The following GPAT3 variants were observed in gnomAD, a reference collection of about 807,000 sequenced individuals.
The protein encoded by GPAT3 is glycerol-3-phosphate acyltransferase 3.
Under a neutral mutation model 58.8 loss-of-function variants are expected in GPAT3, and 53 were observed. The observed-to-expected ratio is 0.90, with a 90% CI of 0.72 to 1.13. The LOEUF (loss-of-function observed/expected upper bound fraction) is 1.13. GPAT3 is among the 50% of genes most tolerant of loss of function. The pLI is 0.00. For synonymous variants in GPAT3, 197 were observed against 187.4 expected (o/e 1.05, Z -0.42); for missense variants, 511 against 527.6 (o/e 0.97, Z 0.31).
At chr4:83,557,385 G>A (rs1352211515) in intron 2 of GPAT3, among the ~76,000 whole-genome samples, 4 of 152,164 alleles carry the variant, frequency 2.6e-5, no homozygotes, top group Non-Finnish European at 5.9e-5. Context: ...CATCCTGGCA[G>A]ACATCACTAG....
intron 2 of GPAT3, among the ~76,000 whole-genome samples, chr4:83,559,205 G>A (rs1309316225): frequency 1.3e-5 from 2 of 152,020 alleles, no homozygotes; most frequent in Non-Finnish European, 2.9e-5. Flanking sequence ...ATTGTAAAAA[G>A]TTCTCTATAA....
chr4:83,538,365 A>G (rs77183785), intron 1 of GPAT3, among the ~76,000 whole-genome samples: 2,772 of 152,198 alleles, frequency 0.018, 82 homozygotes, highest in African/African-American at 0.063. Flanking sequence ...AACTCTTCTT[A>G]TTGACTTTAC....
intron 2 of GPAT3, among the ~76,000 whole-genome samples, chr4:83,555,328 T>C (rs890233677): frequency 2.6e-5 from 4 of 152,090 alleles, no homozygotes; most frequent in African/African-American, 4.8e-5. Context: ...AAACATGTGA[T>C]TACAGGGTTG....
chr4:83,559,621 A>C (rs1303585815), intron 2 of GPAT3, among the ~76,000 whole-genome samples: 1 of 152,080 alleles, frequency 6.6e-6, no homozygotes, highest in Admixed American at 6.6e-5. Context: ...GTGCACCCGG[A>C]GAAAGCAGGA....
chr4:83,562,196 TA>T lies in GPAT3; in HGVS notation c.208+17595del, dbSNP rs1725166731. 4.9e-4 allele frequency among the ~76,000 whole-genome samples: 22 copies of T among 44,650 alleles called. 1 individual carries two copies. Among genetic ancestry groups the T allele is most frequent in the Non-Finnish European group, 6.8e-4 (17 of 24,942 alleles). The allele number at this position is 44,650 out of a possible 152,430, so 29.3% of individuals were successfully genotyped here. A position where few individuals can be genotyped will look rare whatever the true frequency, so the allele number is the denominator to read the frequency against. On this transcript the variant is annotated intron_variant, in intron 2 of 11. Transcript: ENST00000264409. Reference sequence around the variant, plus strand: ...TTTATATATTATATATATATATATATATAATATATATATATTATATATATAT... The same window carrying T: ...TTTATATATTATATATATATATATATTAATATATATATATTATATATATAT...
At position 83,544,183 on chromosome 4, in the gene GPAT3, G is replaced by A. The variant is rs183307573; in HGVS notation, c.142-353G>A. Among the ~76,000 whole-genome samples the A allele has an allele frequency of 1.4e-3, 210 of 152,280 alleles. 2 individuals carry two copies. The highest frequency in any genetic ancestry group is 3.1e-3 in the East Asian group (16 of 5,188). ...TACAATGAGGAAACGGAGGCCTATAGGGAATAAGTAATTTCAAACCCAGAC... is the reference window on the plus strand; with the variant it reads ...TACAATGAGGAAACGGAGGCCTATAAGGAATAAGTAATTTCAAACCCAGAC... On this transcript the variant is annotated intron_variant, in intron 1 of 11. Transcript: ENST00000264409.
At chr4:83,579,061 T>TCCTTCCTTCCTTCCTTCCTTCTTTCC (rs1276079346) in intron 2 of GPAT3, among the ~76,000 whole-genome samples, 1 of 43,408 alleles carries the variant, frequency 2.3e-5, no homozygotes, top group Non-Finnish European at 4.6e-5. Context: ...TTTCTTTCTT[T>TCCTTCCTTCCTTCCTTCCTTCTTTCC]CTTTCTTTCT....
chr4:83,540,587 G>A (rs1724263681), intron 1 of GPAT3, among the ~76,000 whole-genome samples: 1 of 152,196 alleles, frequency 6.6e-6, no homozygotes, highest in Non-Finnish European at 1.5e-5. Context: ...TAGGGAAGAG[G>A]AGGCTACTTT....
chr4:83,591,275 A>G (rs10014103), intron 6 of GPAT3, among the ~76,000 whole-genome samples: 346 of 152,298 alleles, frequency 2.3e-3, no homozygotes, highest in African/African-American at 8.0e-3. Flanking sequence ...TGCATGGGTT[A>G]CACAATCATT....
chr4:83,536,689 C>A lies in GPAT3; in HGVS notation c.67C>A (p.Leu23Ile). 1 of 1,613,672 alleles carries A rather than the reference C, an allele frequency of 6.2e-7. No individual in the cohort carries two copies. Among genetic ancestry groups the A allele is most frequent in the Non-Finnish European group, 8.5e-7 (1 of 1,179,968 alleles). Reference sequence around the variant, plus strand: ...GCTGACGCTGGTTCTCGGCTTCATCCTTTTACCTTCGGTCTTCGGAGTGTC... The same window carrying A: ...GCTGACGCTGGTTCTCGGCTTCATCATTTTACCTTCGGTCTTCGGAGTGTC... ...TWLTLVLGFI[L>I]LPSVFGVSLG... The change falls in exon 1 of 12, where the codon CTT (leucine) becomes ATT (isoleucine). Residue 23 changes from leucine to isoleucine, a missense_variant. By Grantham distance (5) the Leu-to-Ile change is conservative. Transcript: ENST00000264409.
intron 2 of GPAT3, among the ~76,000 whole-genome samples, chr4:83,547,247 T>C (rs906342749): frequency 1.4e-5 from 1 of 73,340 alleles, no homozygotes; most frequent in African/African-American, 1.1e-4. Flanking sequence ...TCTACTGCTC[T>C]TTTTTTTTTT....
At chr4:83,580,946 A>G (rs1223762609) in intron 2 of GPAT3, among the ~76,000 whole-genome samples, 1 of 151,854 alleles carries the variant, frequency 6.6e-6, no homozygotes, top group East Asian at 1.9e-4. Context: ...AATACAAAAA[A>G]TTAGCCGACT....
intron 6 of GPAT3, among the ~76,000 whole-genome samples, chr4:83,592,617 G>T (rs1726646009): frequency 6.6e-6 from 1 of 152,124 alleles, no homozygotes; most frequent in African/African-American, 2.4e-5. Context: ...TTCTAGTCTT[G>T]TTTTTCCCTC....
chr4:83,549,179 A>AG (rs1724653956), intron 2 of GPAT3, among the ~76,000 whole-genome samples: 1 of 151,774 alleles, frequency 6.6e-6, no homozygotes, highest in Non-Finnish European at 1.5e-5. Context: ...AAAAAAAAAA[A>AG]AGAAAATTGA....
chr4:83,601,540 T>C (rs898826804), intron 11 of GPAT3, among the ~76,000 whole-genome samples: 2 of 151,962 alleles, frequency 1.3e-5, no homozygotes, highest in East Asian at 1.9e-4. Context: ...ATCACCTGAG[T>C]TTAAGAGTTC....
At chr4:83,547,430 T>C (rs1724577672) in intron 2 of GPAT3, among the ~76,000 whole-genome samples, 1 of 151,746 alleles carries the variant, frequency 6.6e-6, no homozygotes, top group Non-Finnish European at 1.5e-5. Flanking sequence ...TTTTTTGTAT[T>C]TTTAGTAGAG....
At chr4:83,574,105 A>G (rs111709197) in intron 2 of GPAT3, among the ~76,000 whole-genome samples, 106 of 152,302 alleles carry the variant, frequency 7.0e-4, no homozygotes, top group African/African-American at 2.5e-3. Flanking sequence ...GCTCACACAG[A>G]CCACTTCAAT....
chr4:83,591,951 A>T (rs1726617195), intron 6 of GPAT3, among the ~76,000 whole-genome samples: 1 of 152,170 alleles, frequency 6.6e-6, no homozygotes, highest in Non-Finnish European at 1.5e-5. Flanking sequence ...ACATGGTATA[A>T]GGCAGAAGGG....
intron 5 of GPAT3, among the ~76,000 whole-genome samples, chr4:83,589,589 G>T (rs1372246548): frequency 6.6e-6 from 1 of 152,106 alleles, no homozygotes; most frequent in Non-Finnish European, 1.5e-5. Context: ...AGGAAATTAT[G>T]GTGAATTTTC....
Sources: gnomAD v4.1 joint callset for allele counts (sites outside exome capture counted in the v4.1 genomes callset) on GRCh38, gnomAD v4.1.1 for gene constraint, MANE v1.5 for transcripts, NCBI Gene and HGNC (gene_info 2026-07-23, HGNC 2026-07-21) for gene names.